COMMD1: variants seen among roughly 807,000 people sequenced by gnomAD.
COMMD1 encodes COMM domain-containing protein 1.
Under a neutral mutation model 17.2 loss-of-function variants are expected in COMMD1, and 10 were observed. That is an observed-to-expected ratio of 0.58 (90% CI 0.36 to 0.99). The LOEUF is 0.99. Among genes scored for constraint, COMMD1 ranks in the 50% least tolerant of loss-of-function variants. The probability of loss-of-function intolerance (pLI) is 0.01; values close to 1 mark genes in which losing one functional copy is unlikely to be tolerated. For missense variants in COMMD1, 270 were observed against 231.8 expected (o/e 1.17, Z -1.07); for synonymous variants, 97 against 91.6 (o/e 1.06, Z -0.34).
chr2:61,963,699 G>A (rs914059734), intron 1 of COMMD1, among the ~76,000 whole-genome samples: 1 of 152,148 alleles, frequency 6.6e-6, no homozygotes, highest in Non-Finnish European at 1.5e-5. Context: ...TGTGATTAGT[G>A]TCAGAAATGG....
At chr2:61,909,853 A>C (rs4672468) in intron 1 of COMMD1, among the ~76,000 whole-genome samples, 17,937 of 152,198 alleles carry the variant, frequency 0.12, 2,478 homozygotes, top group African/African-American at 0.33. Flanking sequence ...AACTGCCTGG[A>C]AATATATTTC....
In COMMD1 at chr2:62,012,103, T is replaced by C. The variant is rs1669294475; in HGVS notation, c.462+11121T>C. Among the ~76,000 whole-genome samples, 3 of 151,774 alleles carry C rather than the reference T, an allele frequency of 2.0e-5. No homozygotes were observed. In the South Asian group the frequency reaches 6.2e-4, roughly 32 times the overall value. ...TCTCTACTAAAAAATACAAAAAAAT[T>C]AGCTGGGGCTGGGTGTGGTGGCATG... On this transcript the variant is annotated intron_variant, in intron 2 of 2. Transcript: ENST00000311832.
In COMMD1 at chr2:61,905,890, AG is replaced by A. The variant is rs538196646; in HGVS notation, c.180+33del. The A allele has an allele frequency of 3.9e-4, 621 of 1,610,322 alleles. 2 individuals are homozygous for A. The African/African-American group carries it at 6.5e-3, about 17-fold the overall frequency. On this transcript the variant is annotated intron_variant, in intron 1 of 2. Transcript: ENST00000311832. ...CTCTTTTCTGTAGTCTCCGGCTTGG[AG>A]CAGAACCCCTTGGCCGCTGGCTTCA...
At chr2:62,019,934 A>G (rs1184201995) in intron 2 of COMMD1, among the ~76,000 whole-genome samples, 1 of 152,222 alleles carries the variant, frequency 6.6e-6, no homozygotes, top group East Asian at 1.9e-4. Flanking sequence ...AAATCTCTAC[A>G]ATACACTCTT....
At position 62,000,955 on chromosome 2, in the gene COMMD1, A is replaced by G. The variant is rs138411696; in HGVS notation, c.435A>G (p.Ile145Met). The G allele has an allele frequency of 3.1e-6, 5 of 1,613,780 alleles. No homozygotes were observed. The African/African-American group carries it at 4.0e-5, about 13-fold the overall frequency. Residue 145 changes from isoleucine (I) to methionine (M), a missense_variant, in exon 2 of 3, where the codon ATA (isoleucine) becomes ATG (methionine). By Grantham distance (10) the Ile-to-Met change is conservative. Coordinates refer to ENST00000311832, the MANE Select transcript of COMMD1 (RefSeq NM_152516.4). ...AAATACACACACCTGTTGCCATTAT[A>G]GAGCTGGAATTAGGCAAATATGGAC... is the stretch of plus-strand genomic sequence containing the variant. ...SAQIHTPVAI[I>M]ELELGKYGQE...
At chr2:61,889,575 C>A (rs1482844933) in intron 1 of COMMD1, among the ~76,000 whole-genome samples, 1 of 152,086 alleles carries the variant, frequency 6.6e-6, no homozygotes, top group African/African-American at 2.4e-5. Flanking sequence ...CGGAATAACT[C>A]TCTAAGGGAT....
upstream of COMMD1, among the ~76,000 whole-genome samples, chr2:61,904,892 TG>T (rs1485811717): frequency 6.6e-6 from 1 of 152,236 alleles, no homozygotes; most frequent in Non-Finnish European, 1.5e-5. Flanking sequence ...TCAGTCTCCA[TG>T]GATTTGTCTA....
chr2:61,975,636 G>T (rs994127556), intron 1 of COMMD1, among the ~76,000 whole-genome samples: 2 of 151,630 alleles, frequency 1.3e-5, no homozygotes, highest in African/African-American at 4.8e-5. Context: ...TTACAATTTA[G>T]GTTGTATTTT....
At chr2:61,999,271 C>T (rs1199688334) in intron 1 of COMMD1, among the ~76,000 whole-genome samples, 1 of 152,128 alleles carries the variant, frequency 6.6e-6, no homozygotes, top group Non-Finnish European at 1.5e-5. Context: ...TGTTACTATG[C>T]TTGAGCTTAT....
At chr2:62,019,714 A>C (rs925134635) in intron 2 of COMMD1, among the ~76,000 whole-genome samples, 1 of 152,164 alleles carries the variant, frequency 6.6e-6, no homozygotes, top group Non-Finnish European at 1.5e-5. Context: ...ACATGTCATC[A>C]CTGTTGATGT....
intron 1 of COMMD1, among the ~76,000 whole-genome samples, chr2:61,937,676 T>G (rs1455622309): frequency 6.6e-6 from 1 of 152,216 alleles, no homozygotes; most frequent in Non-Finnish European, 1.5e-5. Context: ...GAGCCATAGC[T>G]CAATCTTGTT....
chr2:62,008,114 GC>G (rs1669173633), intron 2 of COMMD1, among the ~76,000 whole-genome samples: 1 of 152,172 alleles, frequency 6.6e-6, no homozygotes, highest in East Asian at 1.9e-4. Context: ...GGTCGAGGCT[GC>G]AGTGAGCTGT....
intron 1 of COMMD1, among the ~76,000 whole-genome samples, chr2:61,962,125 C>T (rs1671357131): frequency 6.6e-6 from 1 of 152,160 alleles, no homozygotes. Context: ...TAGCTGAAGG[C>T]CTACTGAACT....
chr2:62,088,538 A>C (rs1392611765), intron 2 of COMMD1, among the ~76,000 whole-genome samples: 1 of 152,182 alleles, frequency 6.6e-6, no homozygotes, highest in Admixed American at 6.6e-5. Flanking sequence ...CCTTATCTAC[A>C]GTCCATTTGA....
chr2:61,964,805 G>A (rs1466161576), intron 1 of COMMD1, among the ~76,000 whole-genome samples: 2 of 152,210 alleles, frequency 1.3e-5, no homozygotes, highest in Non-Finnish European at 1.5e-5. Context: ...CCTGGGAGGT[G>A]AAGGTTGCAG....
At position 62,016,343 on chromosome 2, in the gene COMMD1, G is replaced by A. The variant is rs2103844481; in HGVS notation, c.462+15361G>A. Reference sequence around the variant, plus strand: ...CCCACCTCAGCCACCTGAGTAGCTGGGACTACAGGTGCAAGCTACCATGCC... The same window carrying A: ...CCCACCTCAGCCACCTGAGTAGCTGAGACTACAGGTGCAAGCTACCATGCC... On this transcript the variant is annotated intron_variant, in intron 2 of 2. Transcript: ENST00000311832. 2.7e-5 allele frequency among the ~76,000 whole-genome samples: 4 copies of A among 150,850 alleles called. No homozygotes were observed. In the South Asian group the frequency reaches 8.4e-4, roughly 32 times the overall value.
intron 2 of COMMD1, among the ~76,000 whole-genome samples, chr2:62,123,501 G>GA (rs544156263): frequency 8.0e-4 from 105 of 131,010 alleles, no homozygotes; most frequent in Middle Eastern, 4.2e-3. Flanking sequence ...CAAGACATGT[G>GA]AAAAAAAAAT....
intron 2 of COMMD1, among the ~76,000 whole-genome samples, chr2:62,010,360 T>C (rs946079898): frequency 6.6e-6 from 1 of 152,178 alleles, no homozygotes; most frequent in African/African-American, 2.4e-5. Flanking sequence ...ATCTAAATGT[T>C]GGTGTACCCT....
At chr2:61,947,375 T>C (rs1449958408) in intron 1 of COMMD1, among the ~76,000 whole-genome samples, 3 of 152,174 alleles carry the variant, frequency 2.0e-5, no homozygotes, top group African/African-American at 7.2e-5. Flanking sequence ...AAATAATTTT[T>C]TCTTTTAAAA....
Sources: gnomAD v4.1 joint callset for allele counts (sites outside exome capture counted in the v4.1 genomes callset) on GRCh38, gnomAD v4.1.1 for gene constraint, MANE v1.5 for transcripts, NCBI Gene and HGNC (gene_info 2026-07-23, HGNC 2026-07-21) for gene names.